Variants in SMAD2 observed in about 807,000 individuals in gnomAD.
SMAD2 encodes the protein MAD homolog 2.
In SMAD2, 8 loss-of-function variants were observed where a neutral mutation model predicts 64.4. The observed-to-expected ratio is 0.12, with a 90% confidence interval of 0.07 to 0.22. The LOEUF (loss-of-function observed/expected upper bound fraction) is 0.22. Ranked by LOEUF, SMAD2 falls within the 10% of genes least tolerant of loss-of-function variation. The pLI, the probability that SMAD2 is intolerant of heterozygous loss-of-function variation, is 1.00. For missense variants in SMAD2, 289 were observed against 561.2 expected (o/e 0.51, Z 4.90); for synonymous variants, 203 against 195.8 (o/e 1.04, Z -0.31).
At chr18:47,850,262 TAA>T (rs1915053426) in intron 7 of SMAD2, among the ~76,000 whole-genome samples, 1 of 82,646 alleles carries the variant, frequency 1.2e-5, no homozygotes, top group Non-Finnish European at 2.1e-5. Flanking sequence ...ATATTATGTA[TAA>T]TATATATTAT....
intron 1 of SMAD2, among the ~76,000 whole-genome samples, chr18:47,927,583 A>G (rs1481863262): frequency 6.6e-6 from 1 of 152,224 alleles, no homozygotes; most frequent in African/African-American, 2.4e-5. Context: ...TTGTTGAATA[A>G]ATGAATAAAT....
At position 47,885,933 on chromosome 18, in the gene SMAD2, G is replaced by A. The variant is rs2032877727; in HGVS notation, c.236+10588C>T. ...GCCAACACTGCACTACTGCACTCCA[G>A]CCTGGACGACAGAGCCAGACGCTGT... On this transcript the variant is annotated intron_variant, in intron 2 of 10. Transcript: ENST00000262160. Among the ~76,000 whole-genome samples the A allele has an allele frequency of 2.0e-5, 3 of 152,226 alleles. No individual in the cohort carries two copies. The South Asian group carries it at 6.2e-4, about 31-fold the overall frequency.
rs1912834591 is a variant in SMAD2, at chr18:47,828,164, C to G, written c.*13663G>C. The G allele has an allele frequency of 6.3e-6, 1 of 159,414 alleles. No homozygotes were observed. The highest frequency in any genetic ancestry group is 6.5e-5 in the Admixed American group (1 of 15,346). 9.9% of individuals were successfully genotyped at this position (159,414 alleles called of 1,614,324 possible). A position where few individuals can be genotyped will look rare whatever the true frequency, so the allele number is the denominator to read the frequency against. On this transcript the variant is annotated 3_prime_UTR_variant, in exon 11 of 11. Transcript: ENST00000262160. ...AGAAGTGAGGAGCCCCTCCGCCCAG[C>G]AACCACCCCGTCCGGGAAGTAAGGA...
chr18:47,828,935 T>TAAAAAAA lies in SMAD2; in HGVS notation c.*12885_*12891dup, dbSNP rs747216495. ...ACACCCAAGAATGATCAATAAATAC[T>TAAAAAAA]AAAAAAAAAAAAAAAAAAAAAAAAA... On this transcript the variant is annotated 3_prime_UTR_variant, in exon 11 of 11. Transcript: ENST00000262160. 3.1e-4 allele frequency: 10 copies of TAAAAAAA among 32,484 alleles called. No individual in the cohort carries two copies. Among genetic ancestry groups the TAAAAAAA allele is most frequent in the Non-Finnish European group, 4.2e-4 (8 of 19,150 alleles). The allele number at this position is 32,484 out of a possible 1,614,324, so 2.0% of individuals were successfully genotyped here. A position where few individuals can be genotyped will look rare whatever the true frequency, so the allele number is the denominator to read the frequency against.
At chr18:47,912,013 GCA>G in intron 1 of SMAD2, among the ~76,000 whole-genome samples, 1 of 152,280 alleles carries the variant, frequency 6.6e-6, no homozygotes, top group Admixed American at 6.5e-5. Flanking sequence ...TCTTATCCTA[GCA>G]CAGAGAACAG....
chr18:47,848,964 T>C lies in SMAD2; in HGVS notation c.785-277A>G, dbSNP rs78937680. ...TATGTTGGATTCTTTGTTTTACCAGTAGTTTTAGTCTAGCTCCTGTTCAAA... is the reference window on the plus strand; with the variant it reads ...TATGTTGGATTCTTTGTTTTACCAGCAGTTTTAGTCTAGCTCCTGTTCAAA... On this transcript the variant is annotated intron_variant, in intron 7 of 10. Coordinates refer to ENST00000262160, the MANE Select transcript of SMAD2 (RefSeq NM_005901.6). Among the ~76,000 whole-genome samples the C allele has an allele frequency of 4.7e-3, 711 of 152,296 alleles. 4 individuals carry two copies. Among genetic ancestry groups the C allele is most frequent in the African/African-American group, 0.016 (675 of 41,558 alleles).
chr18:47,874,935 G>T (rs1375124594), intron 2 of SMAD2, among the ~76,000 whole-genome samples: 1 of 152,098 alleles, frequency 6.6e-6, no homozygotes, highest in Non-Finnish European at 1.5e-5. Context: ...AGAATAAAAT[G>T]CAAGTCAATG....
In SMAD2 at chr18:47,834,117, C is replaced by A. The variant is rs1271521683; in HGVS notation, c.*7710G>T. 2 of 213,914 alleles carry A rather than the reference C, an allele frequency of 9.3e-6. No homozygotes were observed. Among genetic ancestry groups the A allele is most frequent in the Non-Finnish European group, 1.9e-5 (2 of 106,120 alleles). 13.3% of individuals were successfully genotyped at this position (213,914 alleles called of 1,614,324 possible). On this transcript the variant is annotated 3_prime_UTR_variant, in exon 11 of 11. Transcript: ENST00000262160. ...TACTAAATGACTGGATGGCACATATCCCAATAAGTATCAGAAATGTTGACA... is the reference window on the plus strand; with the variant it reads ...TACTAAATGACTGGATGGCACATATACCAATAAGTATCAGAAATGTTGACA...
In SMAD2 at chr18:47,839,935, CCT is replaced by C. The variant is rs1913780311; in HGVS notation, c.*1890_*1891del. 4.3e-6 allele frequency: 1 copy of C among 233,096 alleles called. No individual in the cohort carries two copies. Among genetic ancestry groups the C allele is most frequent in the African/African-American group, 2.2e-5 (1 of 45,420 alleles). The allele number at this position is 233,096 out of a possible 1,614,324, so 14.4% of individuals were successfully genotyped here. A position where few individuals can be genotyped will look rare whatever the true frequency, so the allele number is the denominator to read the frequency against. ...CATCTGTTATTCTCCAGTACAGTACCCTGTTTATCTCCTTCATAGACAAGTAA... is the reference window on the plus strand; with the variant it reads ...CATCTGTTATTCTCCAGTACAGTACCGTTTATCTCCTTCATAGACAAGTAA... On this transcript the variant is annotated 3_prime_UTR_variant, in exon 11 of 11. Coordinates refer to ENST00000262160, the MANE Select transcript of SMAD2 (RefSeq NM_005901.6).
chr18:47,906,673 CAG>C (rs1305295230), intron 1 of SMAD2, among the ~76,000 whole-genome samples: 2 of 152,158 alleles, frequency 1.3e-5, no homozygotes, highest in Non-Finnish European at 2.9e-5. Flanking sequence ...ACTACAGTCA[CAG>C]TGTTGGCAGG....
intron 2 of SMAD2, among the ~76,000 whole-genome samples, chr18:47,879,841 C>T (rs945251753): frequency 6.6e-6 from 1 of 152,108 alleles, no homozygotes; most frequent in African/African-American, 2.4e-5. Flanking sequence ...AAAGCCTCAT[C>T]AACATTTGGT....
At position 47,886,973 on chromosome 18, in the gene SMAD2, G is replaced by A. The variant is rs376588477; in HGVS notation, c.236+9548C>T. On this transcript the variant is annotated intron_variant, in intron 2 of 10. Transcript: ENST00000262160. ...TTTGTTAAAATGGCATGTATTTCAC[G>A]TAGACACACGTAACATCCCTCTTTT... is the stretch of plus-strand genomic sequence containing the variant. 33 of 150,112 alleles carry A rather than the reference G, an allele frequency of 2.2e-4. 1 individual carries two copies. The highest frequency in any genetic ancestry group is 8.1e-4 in the African/African-American group (33 of 40,614). The allele number at this position is 150,112 out of a possible 1,614,324, so 9.3% of individuals were successfully genotyped here. A position where few individuals can be genotyped will look rare whatever the true frequency, so the allele number is the denominator to read the frequency against.
chr18:47,851,157 G>A, intron 7 of SMAD2, 117 bp downstream of exon 7: 4 of 725,324 alleles, frequency 5.5e-6, no homozygotes, highest in Non-Finnish European at 9.9e-6. Flanking sequence ...ATAATTATTT[G>A]GCTATTCATT....
At chr18:47,908,668 AT>A (rs1167822714) in intron 1 of SMAD2, among the ~76,000 whole-genome samples, 2 of 152,266 alleles carry the variant, frequency 1.3e-5, no homozygotes, top group African/African-American at 4.8e-5. Flanking sequence ...CATTAACTAC[AT>A]AAAATTAACG....
At chr18:47,921,947 A>G (rs1421916994) in intron 1 of SMAD2, among the ~76,000 whole-genome samples, 1 of 152,270 alleles carries the variant, frequency 6.6e-6, no homozygotes, top group East Asian at 1.9e-4. Flanking sequence ...AGTATAAACA[A>G]TAACAGCAAA....
chr18:47,911,458 G>A (rs865944305), intron 1 of SMAD2, among the ~76,000 whole-genome samples: 3 of 152,072 alleles, frequency 2.0e-5, no homozygotes, highest in South Asian at 4.2e-4. Flanking sequence ...TCAGGAGACT[G>A]GCCCCAAGGC....
rs373069150 is a variant in SMAD2 at position 47,877,289 on chromosome 18, C to T, written c.237-6725G>A. On this transcript the variant is annotated intron_variant, in intron 2 of 10. Coordinates refer to ENST00000262160, the MANE Select transcript of SMAD2 (RefSeq NM_005901.6). The stretch of plus-strand genomic sequence containing the variant: ...GAATATTATCAACAAAAGGAACTTT[C>T]CTAAGGCTCCAGCTCTTGATTACTG... 1.3e-4 allele frequency among the ~76,000 whole-genome samples: 20 copies of T among 152,066 alleles called. No homozygotes were observed. In the East Asian group the frequency reaches 3.9e-3, roughly 29 times the overall value.
intron 2 of SMAD2, among the ~76,000 whole-genome samples, chr18:47,875,824 G>C (rs917045924): frequency 1.2e-4 from 18 of 152,156 alleles, no homozygotes; most frequent in African/African-American, 4.1e-4. Flanking sequence ...AAATGGATTA[G>C]GGACCTCAAA....
chr18:47,896,024 C>A (rs1269861861), intron 2 of SMAD2, among the ~76,000 whole-genome samples: 2 of 152,232 alleles, frequency 1.3e-5, no homozygotes, highest in Non-Finnish European at 2.9e-5. Context: ...ACCTAAGAGG[C>A]AGGTCTTTAA....
Sources: allele counts gnomAD v4.1 joint callset (sites outside exome capture counted in the v4.1 genomes callset), GRCh38; gene constraint gnomAD v4.1.1; transcripts MANE v1.5; gene names NCBI Gene and HGNC (gene_info 2026-07-23, HGNC 2026-07-21).